RNF7: variants seen among roughly 807,000 people sequenced by gnomAD.
RNF7 encodes the protein ring finger protein 7.
In RNF7, 9 loss-of-function variants were observed where a neutral mutation model predicts 17.0. The ratio of observed to expected loss-of-function variants is 0.53; its 90% CI spans 0.32 to 0.92. The LOEUF is 0.92. Ranked by LOEUF, RNF7 falls within the 40% of genes least tolerant of loss-of-function variation. The probability of loss-of-function intolerance (pLI) is 0.04; values close to 1 mark genes in which losing one functional copy is unlikely to be tolerated. For missense variants in RNF7, 87 were observed against 145.8 expected (o/e 0.60, Z 2.08); for synonymous variants, 59 against 50.5 (o/e 1.17, Z -0.72).
chr3:141,740,476 C>A (rs1164206140), intron 1 of RNF7, among the ~76,000 whole-genome samples: 1 of 152,130 alleles, frequency 6.6e-6, no homozygotes, highest in African/African-American at 2.4e-5. Context: ...CATAAACTTT[C>A]TAATTATAGC....
chr3:141,738,546 C>T, intron 1 of RNF7, 30 bp downstream of exon 1: 1 of 1,564,482 alleles, frequency 6.4e-7, no homozygotes, highest in Non-Finnish European at 8.7e-7. Context: ...CCAGGGCCGC[C>T]CTGCGGCCTC....
Position 141,745,317 on chromosome 3 carries a change from C to A in RNF7, c.*40C>A. On this transcript the variant is annotated 3_prime_UTR_variant, in exon 3 of 3. Coordinates refer to ENST00000273480, the MANE Select transcript of RNF7 (RefSeq NM_014245.5). ...CTTCTTAGCGCAGTTGTTCAGAGCC[C>A]TGGTGGATCTTGTAATCCAGTGCCC... 7.4e-7 allele frequency: 1 copy of A among 1,356,260 alleles called. No homozygotes were observed. Among genetic ancestry groups the A allele is most frequent in the Non-Finnish European group, 1.1e-6 (1 of 950,264 alleles). 84.0% of individuals were successfully genotyped at this position (1,356,260 alleles called of 1,614,324 possible). A position where few individuals can be genotyped will look rare whatever the true frequency, so the allele number is the denominator to read the frequency against.
chr3:141,741,785 C>CA (rs11452917), intron 1 of RNF7, among the ~76,000 whole-genome samples: 9,898 of 152,138 alleles, frequency 0.065, 322 homozygotes, highest in South Asian at 0.11. Flanking sequence ...ACTATAAGCT[C>CA]ACTGGGCATG....
chr3:141,740,552 TTATTC>T (rs917457418), intron 1 of RNF7, among the ~76,000 whole-genome samples: 1 of 152,204 alleles, frequency 6.6e-6, no homozygotes, highest in Admixed American at 6.5e-5. Flanking sequence ...GTTCAGGAAA[TTATTC>T]TAGGCTAGAC....
In RNF7 at chr3:141,747,136, C is replaced by CAAAGA. The variant is rs1159998950; in HGVS notation, c.*1863_*1864insAAAAG. 2 of 152,234 alleles carry CAAAGA rather than the reference C, an allele frequency of 1.3e-5. No individual in the cohort carries two copies. The highest frequency in any genetic ancestry group is 4.8e-5 in the African/African-American group (2 of 41,432). The allele number at this position is 152,234 out of a possible 1,614,324, so 9.4% of individuals were successfully genotyped here. The stretch of plus-strand genomic sequence containing the variant: ...GCAAAACCACAGTCCCGCCACCTAA[C>CAAAGA]AAAGCCCTGTTTATGCCACACACCA... On this transcript the variant is annotated 3_prime_UTR_variant, in exon 3 of 3. Coordinates refer to ENST00000273480, the MANE Select transcript of RNF7 (RefSeq NM_014245.5).
rs914614675 is a variant in RNF7 at position 141,742,926 on chromosome 3, A to T, written c.176-583A>T. The T allele has an allele frequency of 1.5e-5, 15 of 1,029,868 alleles. No individual in the cohort carries two copies. In the African/African-American group the frequency reaches 2.1e-4, roughly 14 times the overall value. The allele number at this position is 1,029,868 out of a possible 1,614,324, so 63.8% of individuals were successfully genotyped here. On this transcript the variant is annotated intron_variant, in intron 1 of 2. Coordinates refer to ENST00000273480, the MANE Select transcript of RNF7 (RefSeq NM_014245.5). Reference sequence around the variant, plus strand: ...TGTGTCAGTAAGTATGGATGACTTTAAAAAACTTGTTTATGAAGCAATTTT... The same window carrying T: ...TGTGTCAGTAAGTATGGATGACTTTTAAAAACTTGTTTATGAAGCAATTTT...
chr3:141,742,950 T>G, intron 1 of RNF7: 1 of 1,010,592 alleles, frequency 9.9e-7, no homozygotes, highest in Non-Finnish European at 1.2e-6. Context: ...TGAAGCAATT[T>G]TTTAATTTAA....
In RNF7 at chr3:141,745,137, CTCT is replaced by C. The variant is rs754233242; in HGVS notation, c.224-17_224-15del. 8 of 1,488,958 alleles carry C rather than the reference CTCT, an allele frequency of 5.4e-6. No individual in the cohort carries two copies. The South Asian group carries it at 8.1e-5, about 15-fold the overall frequency. 92.2% of individuals were successfully genotyped at this position (1,488,958 alleles called of 1,614,324 possible). A position where few individuals can be genotyped will look rare whatever the true frequency, so the allele number is the denominator to read the frequency against. ...TTTAAATTGAAATATGTAATGTCAA[CTCT>C]TCTTTTTCTTTCTTTCAGTGGTCTG... On this transcript the variant is annotated intron_variant, in intron 2 of 2. Transcript: ENST00000273480.
chr3:141,746,748 A>C lies in RNF7; in HGVS notation c.*1471A>C, dbSNP rs1055889021. 4.0e-5 allele frequency: 6 copies of C among 151,790 alleles called. No individual in the cohort carries two copies. Among genetic ancestry groups the C allele is most frequent in the Non-Finnish European group, 8.8e-5 (6 of 67,822 alleles). 9.4% of individuals were successfully genotyped at this position (151,790 alleles called of 1,614,324 possible). A position where few individuals can be genotyped will look rare whatever the true frequency, so the allele number is the denominator to read the frequency against. ...TTCAATCTAAGGGATGTGGATACAT[A>C]GAATGTTTAAAAAGATAACAATTAG... On this transcript the variant is annotated 3_prime_UTR_variant, in exon 3 of 3. Coordinates refer to ENST00000273480, the MANE Select transcript of RNF7 (RefSeq NM_014245.5).
intron 1 of RNF7, 120 bp from the exon 2 acceptor site, chr3:141,743,388 AT>A (rs2084440951): frequency 3.0e-6 from 2 of 656,074 alleles, no homozygotes; most frequent in African/African-American, 1.8e-5. Flanking sequence ...CAGATGAGAA[AT>A]TAATAGTATG....
rs780642305 is a variant in RNF7 at position 141,746,282 on chromosome 3, G to A, written c.*1005G>A. The A allele has an allele frequency of 2.6e-5, 4 of 152,060 alleles. No homozygotes were observed. Among genetic ancestry groups the A allele is most frequent in the Non-Finnish European group, 4.4e-5 (3 of 68,014 alleles). The allele number at this position is 152,060 out of a possible 1,614,324, so 9.4% of individuals were successfully genotyped here. A position where few individuals can be genotyped will look rare whatever the true frequency, so the allele number is the denominator to read the frequency against. On this transcript the variant is annotated 3_prime_UTR_variant, in exon 3 of 3. Coordinates refer to ENST00000273480, the MANE Select transcript of RNF7 (RefSeq NM_014245.5). ...GTGGGCCACTGCACCTGGCCCAGAT[G>A]ATATAATTTAACTGTGTTTTAGGTA...
chr3:141,742,755 C>G, intron 1 of RNF7: 7 of 1,285,182 alleles, frequency 5.4e-6, no homozygotes, highest in South Asian at 1.2e-5. Context: ...CCCTCTGTCT[C>G]ACTGGCTTCT....
chr3:141,742,411 A>G (rs1008933152), intron 1 of RNF7, among the ~76,000 whole-genome samples: 1 of 151,792 alleles, frequency 6.6e-6, no homozygotes, highest in African/African-American at 2.4e-5. Context: ...TATTTTTAGT[A>G]GAGACGGGGT....
intron 1 of RNF7, among the ~76,000 whole-genome samples, chr3:141,741,472 A>G (rs926157641): frequency 6.6e-6 from 1 of 152,218 alleles, no homozygotes; most frequent in Non-Finnish European, 1.5e-5. Flanking sequence ...GGAGCAAACA[A>G]ATGCCTGAGC....
At chr3:141,738,947 C>T (rs1288080354) in intron 1 of RNF7, among the ~76,000 whole-genome samples, 1 of 152,234 alleles carries the variant, frequency 6.6e-6, no homozygotes, top group Admixed American at 6.5e-5. Flanking sequence ...GGCCGTGATT[C>T]AGCAGTGAAC....
rs1191253207 is a variant in RNF7 at position 141,742,746 on chromosome 3, C to A, written c.176-763C>A. ...TCTGGCTCCACAGCCCTCGCTGTCC[C>A]CTCTGTCTCACTGGCTTCTCACCAG... On this transcript the variant is annotated intron_variant, in intron 1 of 2. Transcript: ENST00000273480. The A allele has an allele frequency of 5.4e-6, 7 of 1,284,992 alleles. No homozygotes were observed. The Middle Eastern group carries it at 8.5e-4, about 157-fold the overall frequency. 79.6% of individuals were successfully genotyped at this position (1,284,992 alleles called of 1,614,324 possible).
chr3:141,740,511 G>A (rs1445710797), intron 1 of RNF7, among the ~76,000 whole-genome samples: 2 of 152,130 alleles, frequency 1.3e-5, no homozygotes, highest in African/African-American at 2.4e-5. Flanking sequence ...TACAGGATCA[G>A]TCTTGCATAT....
At chr3:141,743,630 TAA>T (rs2084443434) in intron 2 of RNF7, 74 bp downstream of exon 2, 1 of 1,072,428 alleles carries the variant, frequency 9.3e-7, no homozygotes, top group Non-Finnish European at 1.4e-6. Context: ...AATTTGAAAT[TAA>T]GATTGACTTT....
intron 1 of RNF7, among the ~76,000 whole-genome samples, chr3:141,738,926 G>T (rs568666358): frequency 6.6e-6 from 1 of 152,244 alleles, no homozygotes; most frequent in Admixed American, 6.5e-5. Context: ...ACACAAGGTG[G>T]TCAGGGTAAA....
Sources: gnomAD v4.1 joint callset for allele counts (sites outside exome capture counted in the v4.1 genomes callset) on GRCh38, gnomAD v4.1.1 for gene constraint, MANE v1.5 for transcripts, NCBI Gene and HGNC (gene_info 2026-07-23, HGNC 2026-07-21) for gene names.